Variants in SNAP91 observed in about 807,000 individuals in gnomAD.
The protein encoded by SNAP91 is synaptosome associated protein 91, also known as clathrin coat assembly protein AP180.
In SNAP91, 27 loss-of-function variants were observed where a neutral mutation model predicts 100.3. The ratio of observed to expected loss-of-function variants is 0.27; its 90% confidence interval spans 0.20 to 0.37. SNAP91 has a LOEUF of 0.37. Among genes scored for constraint, SNAP91 ranks in the 10% least tolerant of loss-of-function variants. SNAP91 has a pLI of 1.00. For synonymous variants in SNAP91, 404 were observed against 398.6 expected (o/e 1.01, Z -0.16); for missense variants, 986 against 1,123.7 (o/e 0.88, Z 1.75).
rs1052937627 is a variant in SNAP91 at position 83,594,267 on chromosome 6, T to C, written c.1432+107A>G. The C allele has an allele frequency of 1.2e-5, 10 of 810,714 alleles. No homozygotes were observed. In the African/African-American group the frequency reaches 1.4e-4, roughly 11 times the overall value. The allele number at this position is 810,714 out of a possible 1,614,324, so 50.2% of individuals were successfully genotyped here. A position where few individuals can be genotyped will look rare whatever the true frequency, so the allele number is the denominator to read the frequency against. On this transcript the variant is annotated intron_variant, in intron 17 of 29. Transcript: ENST00000369694. ...TATTTAGTTATGATGAATGATACTT[T>C]ACACTCAGAAGAAAGTAAAATTAGA...
intron 8 of SNAP91, among the ~76,000 whole-genome samples, chr6:83,631,766 G>A (rs1467331318): frequency 6.6e-6 from 1 of 152,012 alleles, no homozygotes; most frequent in Non-Finnish European, 1.5e-5. Flanking sequence ...GCAGGTAGTT[G>A]GCTGGTGAAT....
intron 7 of SNAP91, among the ~76,000 whole-genome samples, chr6:83,654,079 T>G (rs567846771): frequency 6.6e-6 from 1 of 152,172 alleles, no homozygotes; most frequent in African/African-American, 2.4e-5. Flanking sequence ...CTAGTTGAGC[T>G]CCTGGAGGTA....
chr6:83,651,100 T>C (rs1345476688), intron 7 of SNAP91, among the ~76,000 whole-genome samples: 1 of 152,162 alleles, frequency 6.6e-6, no homozygotes, highest in Non-Finnish European at 1.5e-5. Flanking sequence ...TCTGTAGTGG[T>C]CTCCCCTCTT....
chr6:83,698,326 C>A (rs1458285608), intron 2 of SNAP91, among the ~76,000 whole-genome samples: 148 of 107,848 alleles, frequency 1.4e-3, no homozygotes, highest in South Asian at 1.8e-3. Flanking sequence ...TCTCCAAGGC[C>A]AAAAAAAAAA....
intron 14 of SNAP91, among the ~76,000 whole-genome samples, 154 bp downstream of exon 14, chr6:83,605,531 A>C (rs1391851307): frequency 6.6e-6 from 1 of 152,184 alleles, no homozygotes; most frequent in Non-Finnish European, 1.5e-5. Context: ...CTCAATATAT[A>C]TTTCAATCAA....
At chr6:83,641,234 A>G (rs2097688252) in intron 7 of SNAP91, 32 bp from the exon 8 acceptor site, 3 of 995,410 alleles carry the variant, frequency 3.0e-6, no homozygotes, top group South Asian at 3.3e-5. Flanking sequence ...GCAATTTGAA[A>G]AGAGTATTAT....
intron 3 of SNAP91, 82 bp downstream of exon 3, chr6:83,665,357 T>C: frequency 1.5e-6 from 2 of 1,366,530 alleles, no homozygotes; most frequent in South Asian, 2.8e-5. Context: ...TTAGTGAAAA[T>C]TCAAAGAGCC....
At position 83,593,538 on chromosome 6, in the gene SNAP91, T is replaced by C; in HGVS notation, c.1636A>G (p.Thr546Ala). The change falls in exon 18 of 30, where the codon ACT (threonine) becomes GCT (alanine). Residue 546 changes from threonine to alanine, a missense_variant. By Grantham distance (58) the Thr-to-Ala change is moderately conservative. Transcript: ENST00000369694. ...TTAATAAATT[T>A]TTTSAATATT... ...GCGGTGGCAGCGGAGGTGGTGGTAG[T>C]GGTGGTGGCAGCGGCGGTGGCAGCA... The C allele has an allele frequency of 6.4e-7, 1 of 1,552,898 alleles. No homozygotes were observed. Among genetic ancestry groups the C allele is most frequent in the Non-Finnish European group, 8.7e-7 (1 of 1,147,616 alleles).
intron 22 of SNAP91, among the ~76,000 whole-genome samples, chr6:83,590,454 T>C (rs2093578373): frequency 6.6e-6 from 1 of 152,020 alleles, no homozygotes; most frequent in African/African-American, 2.4e-5. Context: ...CCACAAGCAG[T>C]AATCCAAGGC....
rs1410890032 is a variant in SNAP91 at position 83,587,588 on chromosome 6, C to T, written c.2014+3623G>A. On this transcript the variant is annotated intron_variant, in intron 22 of 29. Coordinates refer to ENST00000369694, the MANE Select transcript of SNAP91 (RefSeq NM_001242792.2). ...CACAGACACAACTATAATACAAATG[C>T]TAAGCTTCACTGCAAATTACTACAC... is the stretch of plus-strand genomic sequence containing the variant. 2.6e-5 allele frequency among the ~76,000 whole-genome samples: 4 copies of T among 152,030 alleles called. No homozygotes were observed. The East Asian group carries it at 7.7e-4, about 29-fold the overall frequency.
At chr6:83,584,787 A>G (rs1475404025) in intron 22 of SNAP91, among the ~76,000 whole-genome samples, 2 of 152,208 alleles carry the variant, frequency 1.3e-5, no homozygotes, top group Non-Finnish European at 2.9e-5. Flanking sequence ...GTCTAAGGTC[A>G]TATGAAAGCA....
chr6:83,573,405 C>T (rs1666773488), intron 26 of SNAP91, among the ~76,000 whole-genome samples: 1 of 152,044 alleles, frequency 6.6e-6, no homozygotes, highest in East Asian at 1.9e-4. Flanking sequence ...CAATGCCATC[C>T]CCATCAAGCT....
intron 9 of SNAP91, among the ~76,000 whole-genome samples, chr6:83,620,518 T>C (rs2096670124): frequency 6.6e-6 from 1 of 152,196 alleles, no homozygotes; most frequent in Non-Finnish European, 1.5e-5. Context: ...TGATCATAAC[T>C]GTCAGAGGTC....
chr6:83,580,518 C>G lies in SNAP91; in HGVS notation c.2231G>C (p.Ser744Thr), dbSNP rs1826608130. The G allele has an allele frequency of 6.2e-7, 1 of 1,613,628 alleles. No homozygotes were observed. The highest frequency in any genetic ancestry group is 8.5e-7 in the Non-Finnish European group (1 of 1,179,818). Reference protein sequence around the residue: ...QPAPVSMVPPSPAMAASKALG... With the variant: ...QPAPVSMVPPTPAMAASKALG... ...GGCTTTGCTGGCTGCCATTGCAGGA[C>G]TGGGTGGTACCATTGAGACAGGTGC... Residue 744 changes from serine to threonine, a missense_variant, in exon 24 of 30, where the codon AGT (serine) becomes ACT (threonine). This residue lies in a region of SNAP91 where 575 missense variants were observed against 579.9 expected (regional missense o/e 0.99). Coordinates refer to ENST00000369694, the MANE Select transcript of SNAP91 (RefSeq NM_001242792.2).
chr6:83,651,551 C>T (rs2098206265), intron 7 of SNAP91, among the ~76,000 whole-genome samples: 2 of 152,010 alleles, frequency 1.3e-5, no homozygotes, highest in African/African-American at 2.4e-5. Context: ...TGAGATTTTC[C>T]AGTTACTTTT....
chr6:83,581,541 G>T (rs138305837), intron 23 of SNAP91, among the ~76,000 whole-genome samples: 4 of 152,162 alleles, frequency 2.6e-5, no homozygotes, highest in African/African-American at 9.7e-5. Flanking sequence ...AAAAAACTAT[G>T]CATATCTACC....
In SNAP91 at chr6:83,560,902, C is replaced by T; in HGVS notation, c.2488G>A (p.Ala830Thr). The change falls in exon 27 of 30, where the codon GCC (alanine) becomes ACC (threonine). Residue 830 changes from alanine to threonine, a missense_variant. Coordinates refer to ENST00000369694, the MANE Select transcript of SNAP91 (RefSeq NM_001242792.2). ...PTSSVPPVAG[A>T]PSVGQPGAGF... ...GCTCCAGGTTGTCCAACCGATGGGG[C>T]CCCGGCAACAGGAGGAACTGAACTG... 3.1e-6 allele frequency: 5 copies of T among 1,613,514 alleles called. No individual in the cohort carries two copies. The highest frequency in any genetic ancestry group is 4.2e-6 in the Non-Finnish European group (5 of 1,179,684).
chr6:83,598,507 G>A (rs1452263795), intron 16 of SNAP91, among the ~76,000 whole-genome samples: 1 of 152,192 alleles, frequency 6.6e-6, no homozygotes, highest in African/African-American at 2.4e-5. Flanking sequence ...TGATAGGGAT[G>A]AAATTAAATA....
rs1370608456 is a variant in SNAP91 at position 83,560,748 on chromosome 6, G to A, written c.2526+116C>T. 3 of 878,000 alleles carry A rather than the reference G, an allele frequency of 3.4e-6. No individual in the cohort carries two copies. In the African/African-American group the frequency reaches 5.0e-5, roughly 15 times the overall value. The allele number at this position is 878,000 out of a possible 1,614,324, so 54.4% of individuals were successfully genotyped here. A position where few individuals can be genotyped will look rare whatever the true frequency, so the allele number is the denominator to read the frequency against. ...TTTAAAGCAGATGACAACTTTTTAA[G>A]TTTTACTTACTGTGTTTTGGGAAAA... On this transcript the variant is annotated intron_variant, in intron 27 of 29. Coordinates refer to ENST00000369694, the MANE Select transcript of SNAP91 (RefSeq NM_001242792.2).
Sources: gnomAD v4.1 joint callset for allele counts (sites outside exome capture counted in the v4.1 genomes callset) on GRCh38, gnomAD v4.1.1 for gene constraint, gnomAD v4.1.1 regional missense constraint, MANE v1.5 for transcripts, NCBI Gene and HGNC (gene_info 2026-07-23, HGNC 2026-07-21) for gene names.